APP: variants seen among roughly 807,000 people sequenced by gnomAD.
The protein encoded by APP is amyloid-beta precursor protein.
APP carries 31 observed loss-of-function variants against 101.4 expected under a neutral mutation model. The ratio of observed to expected loss-of-function variants is 0.31; its 90% CI spans 0.23 to 0.41. The LOEUF is 0.41. Ranked by LOEUF, APP falls within the 10% of genes least tolerant of loss-of-function variation. The pLI, the probability that APP is intolerant of heterozygous loss-of-function variation, is 1.00. For synonymous variants in APP, 366 were observed against 364.4 expected, an observed-to-expected ratio of 1.00 and a Z score of -0.05; for missense variants, 839 against 1,003.7, an observed-to-expected ratio of 0.84 and a Z score of 2.22.
intron 1 of APP, among the ~76,000 whole-genome samples, chr21:26,117,237 T>C (rs1165862550): frequency 2.0e-5 from 3 of 152,228 alleles, no homozygotes; most frequent in Non-Finnish European, 4.4e-5. Context: ...AAATACTGGA[T>C]TCCCTTAACC....
intron 6 of APP, among the ~76,000 whole-genome samples, chr21:26,013,272 G>A (rs1483934592): frequency 6.6e-6 from 1 of 152,164 alleles, no homozygotes; most frequent in Non-Finnish European, 1.5e-5. Flanking sequence ...AGCCGAGATC[G>A]CGCCATTGCA....
intron 1 of APP, among the ~76,000 whole-genome samples, chr21:26,146,867 G>A (rs1461595108): frequency 6.6e-6 from 1 of 152,116 alleles, no homozygotes; most frequent in African/African-American, 2.4e-5. Flanking sequence ...CATAATACTA[G>A]GTAATCCAGT....
At chr21:26,112,614 A>G (rs2062354374) in intron 1 of APP, among the ~76,000 whole-genome samples, 1 of 152,226 alleles carries the variant, frequency 6.6e-6, no homozygotes, top group South Asian at 2.1e-4. Context: ...CAGCACTGAG[A>G]GCAAGTATGG....
chr21:25,910,725 T>A (rs1244043083), intron 14 of APP, among the ~76,000 whole-genome samples: 1 of 152,236 alleles, frequency 6.6e-6, no homozygotes, highest in Non-Finnish European at 1.5e-5. Context: ...GGAAAAAACA[T>A]TTAGAGCAAT....
In APP at chr21:26,160,668, C is replaced by CA. The variant is rs551397062; in HGVS notation, c.57+9895dup. Among the ~76,000 whole-genome samples the CA allele has an allele frequency of 1.9e-4, 29 of 149,328 alleles. No individual in the cohort carries two copies. The East Asian group carries it at 3.1e-3, about 16-fold the overall frequency. On this transcript the variant is annotated intron_variant, in intron 1 of 17. Coordinates refer to ENST00000346798, the MANE Select transcript of APP (RefSeq NM_000484.4). ...GCTGTAAAATGGCCAAAAAAGGAGC[C>CA]AAAAAAAAAGACAATGACAGAGAAA...
chr21:26,096,439 T>C (rs2061943810), intron 2 of APP, among the ~76,000 whole-genome samples: 1 of 139,474 alleles, frequency 7.2e-6, no homozygotes, highest in African/African-American at 2.7e-5. Context: ...GAAGGAGGAC[T>C]CATTAGTGAC....
intron 6 of APP, among the ~76,000 whole-genome samples, chr21:26,005,827 T>C (rs2146704205): frequency 6.6e-6 from 1 of 152,330 alleles, no homozygotes; most frequent in South Asian, 2.1e-4. Flanking sequence ...AGTGGAAATT[T>C]ATAAATCAGC....
intron 15 of APP, among the ~76,000 whole-genome samples, chr21:25,898,305 AT>A (rs1356276504): frequency 1.3e-5 from 2 of 152,200 alleles, no homozygotes; most frequent in African/African-American, 4.8e-5. Context: ...AACTAACAGA[AT>A]TTATAACCTA....
intron 6 of APP, among the ~76,000 whole-genome samples, chr21:26,011,769 G>A (rs1482387342): frequency 6.8e-6 from 1 of 146,426 alleles, no homozygotes; most frequent in Non-Finnish European, 1.5e-5. Context: ...CATAAGAATT[G>A]GCAAGCAAGA....
At chr21:26,035,433 GA>G (rs1480661767) in intron 5 of APP, among the ~76,000 whole-genome samples, 1 of 152,108 alleles carries the variant, frequency 6.6e-6, no homozygotes, top group Non-Finnish European at 1.5e-5. Flanking sequence ...AGAGTCGGGG[GA>G]AAGAGAGGCA....
At position 25,881,478 on chromosome 21, in the gene APP, GAATAC is replaced by G; in HGVS notation, c.*187_*191del. The G allele has an allele frequency of 1.5e-6, 1 of 664,660 alleles. No homozygotes were observed. Among genetic ancestry groups the G allele is most frequent in the Admixed American group, 2.3e-5 (1 of 43,930 alleles). 41.2% of individuals were successfully genotyped at this position (664,660 alleles called of 1,614,324 possible). Reference sequence around the variant, plus strand: ...AGAGACCAAAATGTAAAGAGAGATAGAATACATTACTGATGTGTGGATTAATTCAA... The same window carrying G: ...AGAGACCAAAATGTAAAGAGAGATAGATTACTGATGTGTGGATTAATTCAA... On this transcript the variant is annotated 3_prime_UTR_variant, in exon 18 of 18. Coordinates refer to ENST00000346798, the MANE Select transcript of APP (RefSeq NM_000484.4).
intron 3 of APP, among the ~76,000 whole-genome samples, chr21:26,058,888 T>C (rs45567435): frequency 2.0e-5 from 3 of 152,120 alleles, no homozygotes; most frequent in Non-Finnish European, 2.9e-5. Flanking sequence ...GAGACCATCC[T>C]GGCTAACACG....
chr21:26,096,129 A>G (rs2061936626), intron 2 of APP, among the ~76,000 whole-genome samples: 1 of 152,120 alleles, frequency 6.6e-6, no homozygotes, highest in African/African-American at 2.4e-5. Context: ...CTACACTTCA[A>G]ATGCCTACGC....
intron 6 of APP, among the ~76,000 whole-genome samples, chr21:26,018,696 C>T (rs2044207530): frequency 6.6e-6 from 1 of 152,174 alleles, no homozygotes; most frequent in Non-Finnish European, 1.5e-5. Flanking sequence ...AATGGACCTG[C>T]ATTAAAGATT....
chr21:26,024,129 T>C (rs1394028296), intron 5 of APP, among the ~76,000 whole-genome samples: 2 of 152,184 alleles, frequency 1.3e-5, no homozygotes, highest in East Asian at 1.9e-4. Flanking sequence ...GCCTATCGTA[T>C]ACCACCTAGC....
chr21:25,918,472 G>A (rs1219619298), intron 13 of APP, among the ~76,000 whole-genome samples: 1 of 152,070 alleles, frequency 6.6e-6, no homozygotes, highest in African/African-American at 2.4e-5. Flanking sequence ...TGAGATACCG[G>A]GTTCATCTCA....
At chr21:25,996,193 C>G (rs891755230) in intron 8 of APP, among the ~76,000 whole-genome samples, 1 of 152,124 alleles carries the variant, frequency 6.6e-6, no homozygotes, top group African/African-American at 2.4e-5. Flanking sequence ...GTAAGTAAGG[C>G]CTGCAGTGGC....
At chr21:25,918,667 T>G (rs193270411) in intron 13 of APP, among the ~76,000 whole-genome samples, 1 of 151,668 alleles carries the variant, frequency 6.6e-6, no homozygotes, top group Non-Finnish European at 1.5e-5. Flanking sequence ...ATTGCGCTTT[T>G]CAGACCGGCT....
intron 17 of APP, among the ~76,000 whole-genome samples, chr21:25,890,167 CCCTGCTG>C (rs1417593176): frequency 1.3e-5 from 2 of 152,144 alleles, no homozygotes; most frequent in African/African-American, 4.8e-5. Context: ...TTCCTTTCCA[CCCTGCTG>C]CCTGCTGTTC....
Sources: allele counts gnomAD v4.1 joint callset (sites outside exome capture counted in the v4.1 genomes callset), GRCh38; gene constraint gnomAD v4.1.1; transcripts MANE v1.5; gene names NCBI Gene and HGNC (gene_info 2026-07-23, HGNC 2026-07-21).